The following OR1J2 variants were observed in gnomAD, a reference collection of about 807,000 sequenced individuals.
OR1J2 encodes the protein olfactory receptor family 1 subfamily J member 2.
For synonymous variants in OR1J2, 142 were observed against 99.7 expected (o/e 1.42, Z -2.52); for missense variants, 304 against 246.1 (o/e 1.24, Z -1.57).
At chr9:122,524,218 A>C in the OR1J2 span, among the ~76,000 whole-genome samples, 3 of 152,196 alleles carry the variant, frequency 2.0e-5, no homozygotes, top group Non-Finnish European at 4.4e-5. Context: ...CAAGCTGTAC[A>C]GGTTTGTAGC....
chr9:122,481,221 C>T, the OR1J2 span, among the ~76,000 whole-genome samples: 21 of 152,256 alleles, frequency 1.4e-4, 1 homozygote, highest in African/African-American at 4.3e-4. Context: ...TGTTAGTTTG[C>T]TAAGCATAAT....
chr9:122,484,202 G>A, the OR1J2 span, among the ~76,000 whole-genome samples: 3 of 151,962 alleles, frequency 2.0e-5, no homozygotes, highest in Admixed American at 6.6e-5. Flanking sequence ...TCGCTCTGTC[G>A]CCAGGCTGGA....
chr9:122,477,464 A>G, the OR1J2 span: 1 of 1,614,006 alleles, frequency 6.2e-7, no homozygotes, highest in Non-Finnish European at 8.5e-7. Context: ...AAAAGAGCAC[A>G]CGCACAAGCG....
the OR1J2 span, among the ~76,000 whole-genome samples, chr9:122,525,711 C>T: frequency 0.58 from 88,253 of 152,020 alleles, 27,527 homozygotes; most frequent in East Asian, 0.87. Flanking sequence ...CTTTAACCCC[C>T]TTCCTAGTGA....
the OR1J2 span, among the ~76,000 whole-genome samples, chr9:122,491,845 A>G: frequency 6.6e-6 from 1 of 152,146 alleles, no homozygotes; most frequent in African/African-American, 2.4e-5. Flanking sequence ...TAAACCACGC[A>G]GCTCATCCTG....
At chr9:122,567,671 G>A in the OR1J2 span, 1 of 1,614,126 alleles carries the variant, frequency 6.2e-7, no homozygotes, top group Non-Finnish European at 8.5e-7. Flanking sequence ...CGTGGTCCTT[G>A]ACAGCGTAGG....
the OR1J2 span, among the ~76,000 whole-genome samples, chr9:122,556,853 A>G: frequency 1.8e-4 from 28 of 152,320 alleles, no homozygotes; most frequent in African/African-American, 6.5e-4. Context: ...GAATGACACC[A>G]TGATAACATT....
At chr9:122,554,571 C>T in the OR1J2 span, among the ~76,000 whole-genome samples, 45,362 of 152,012 alleles carry the variant, frequency 0.3, 7,638 homozygotes, top group East Asian at 0.78. Flanking sequence ...TTATTCCTTA[C>T]ATCAGTTACT....
the OR1J2 span, among the ~76,000 whole-genome samples, chr9:122,545,919 G>GAA: frequency 0.14 from 20,282 of 150,010 alleles, 1,602 homozygotes; most frequent in South Asian, 0.25. Flanking sequence ...GCAAAAGAAT[G>GAA]AAAAAAAAAC....
the OR1J2 span, among the ~76,000 whole-genome samples, chr9:122,522,797 G>A: frequency 2.6e-5 from 4 of 152,152 alleles, no homozygotes; most frequent in Non-Finnish European, 5.9e-5. Flanking sequence ...AAGCCTCCAG[G>A]CAAAAGAAGC....
At chr9:122,455,713 C>T in the OR1J2 span, among the ~76,000 whole-genome samples, 12 of 151,952 alleles carry the variant, frequency 7.9e-5, no homozygotes, top group Admixed American at 7.2e-4. Flanking sequence ...ATTTTGATAA[C>T]GTTCACTTTA....
chr9:122,551,989 A>G, the OR1J2 span, among the ~76,000 whole-genome samples: 1 of 123,596 alleles, frequency 8.1e-6, no homozygotes, highest in Middle Eastern at 4.0e-3. Context: ...GATGCCTAAA[A>G]CTGATCCATA....
the OR1J2 span, among the ~76,000 whole-genome samples, chr9:122,465,135 C>CT: frequency 6.6e-6 from 1 of 152,136 alleles, no homozygotes; most frequent in South Asian, 2.1e-4. Flanking sequence ...AAAAAAATCT[C>CT]TTGTCAGGAT....
the OR1J2 span, chr9:122,477,510 G>A: frequency 1.2e-6 from 2 of 1,614,124 alleles, no homozygotes; most frequent in Non-Finnish European, 8.5e-7. Flanking sequence ...TGACACACTG[G>A]CTCTGAGTCA....
At chr9:122,519,122 C>T in the OR1J2 span, 2 of 1,531,020 alleles carry the variant, frequency 1.3e-6, no homozygotes, top group Non-Finnish European at 1.8e-6. Flanking sequence ...CTATTTCCAG[C>T]AGAGAGAAGA....
At chr9:122,507,889 A>T (rs1482519538), upstream of OR1J2, among the ~76,000 whole-genome samples, 1 of 152,128 alleles carries the variant, frequency 6.6e-6, no homozygotes, top group East Asian at 1.9e-4. Flanking sequence ...CAAATATGTC[A>T]TCTCACTTCA....
chr9:122,466,433 G>A, the OR1J2 span, among the ~76,000 whole-genome samples: 1 of 152,120 alleles, frequency 6.6e-6, no homozygotes, highest in African/African-American at 2.4e-5. Flanking sequence ...TTTGCAAATG[G>A]CCTTTCTCAA....
the OR1J2 span, among the ~76,000 whole-genome samples, chr9:122,502,203 G>C: frequency 1.3e-5 from 2 of 152,206 alleles, no homozygotes; most frequent in East Asian, 3.8e-4. Context: ...ATAGTTATGA[G>C]TGGGGAGTTC....
At chr9:122,553,867 T>C in the OR1J2 span, 1 of 1,614,096 alleles carries the variant, frequency 6.2e-7, no homozygotes, top group Non-Finnish European at 8.5e-7. Context: ...CTGATCGTCT[T>C]CTCCTATGTC....
Sources: gnomAD v4.1 joint callset for allele counts (sites outside exome capture counted in the v4.1 genomes callset) on GRCh38, gnomAD v4.1.1 for gene constraint, MANE v1.5 for transcripts, NCBI Gene and HGNC (gene_info 2026-07-23, HGNC 2026-07-21) for gene names.